Variants in PTPRM observed in about 807,000 individuals in gnomAD.
PTPRM encodes protein tyrosine phosphatase receptor type M.
Under a neutral mutation model 186.7 loss-of-function variants are expected in PTPRM, and 47 were observed. The ratio of observed to expected loss-of-function variants is 0.25; its 90% confidence interval spans 0.20 to 0.32. PTPRM has a LOEUF of 0.32. PTPRM is among the 10% of genes least tolerant of loss of function. The pLI is 1.00. For missense variants in PTPRM, 1,494 were observed against 1,865.0 expected (o/e 0.80, Z 3.66); for synonymous variants, 668 against 674.9 (o/e 0.99, Z 0.16).
In PTPRM at chr18:8,204,376, C is replaced by A. The variant is rs564174335; in HGVS notation, c.2301-39682C>A. On this transcript the variant is annotated intron_variant, in intron 14 of 32. Transcript: ENST00000580170. ...TTTTGAAGTAAAATAGGCTTGTTTTCTTTTTAAATCCCTCTAGTCATTTAG... is the reference window on the plus strand; with the variant it reads ...TTTTGAAGTAAAATAGGCTTGTTTTATTTTTAAATCCCTCTAGTCATTTAG... Among the ~76,000 whole-genome samples, 22 of 152,046 alleles carry A rather than the reference C, an allele frequency of 1.4e-4. No individual in the cohort carries two copies. In the East Asian group the frequency reaches 3.9e-3, roughly 27 times the overall value.
chr18:7,722,474 GA>G (rs1307414916), intron 1 of PTPRM, among the ~76,000 whole-genome samples: 1 of 151,248 alleles, frequency 6.6e-6, no homozygotes, highest in Non-Finnish European at 1.5e-5. Flanking sequence ...TCTAATTGTA[GA>G]AAAAAAGAAA....
At chr18:7,787,251 G>A (rs1347544864) in intron 2 of PTPRM, among the ~76,000 whole-genome samples, 2 of 152,176 alleles carry the variant, frequency 1.3e-5, no homozygotes, top group African/African-American at 2.4e-5. Flanking sequence ...TGCCTGAAAT[G>A]TGTTTGGTGT....
At chr18:7,623,458 G>A (rs1052693446) in intron 1 of PTPRM, among the ~76,000 whole-genome samples, 4 of 152,058 alleles carry the variant, frequency 2.6e-5, no homozygotes, top group African/African-American at 9.7e-5. Flanking sequence ...GTATAATAGT[G>A]AATACAGCTA....
chr18:7,715,675 C>T (rs1018524369), intron 1 of PTPRM, among the ~76,000 whole-genome samples: 1 of 152,186 alleles, frequency 6.6e-6, no homozygotes, highest in African/African-American at 2.4e-5. Context: ...GATACAAAAT[C>T]AATGTGCAAA....
At chr18:7,974,763 C>T (rs1424365404) in intron 7 of PTPRM, among the ~76,000 whole-genome samples, 2 of 152,160 alleles carry the variant, frequency 1.3e-5, no homozygotes, top group African/African-American at 4.8e-5. Context: ...AGAATAGTTC[C>T]CCAGTCATAG....
chr18:7,833,670 G>A (rs192405884), intron 2 of PTPRM, among the ~76,000 whole-genome samples: 119 of 151,030 alleles, frequency 7.9e-4, no homozygotes, highest in Non-Finnish European at 1.3e-3. Context: ...GGAGGTGGAG[G>A]TTACAGTGAG....
chr18:7,658,363 T>TATATATATATATATATATAC (rs1490051251), intron 1 of PTPRM, among the ~76,000 whole-genome samples: 3 of 142,074 alleles, frequency 2.1e-5, no homozygotes, highest in African/African-American at 7.9e-5. Context: ...TATATATACA[T>TATATATATATATATATATAC]ACACACACAC....
chr18:7,676,627 C>CTGTGTGTGTGTGTGTGTGTGTG (rs751900694), intron 1 of PTPRM, among the ~76,000 whole-genome samples: 1 of 141,410 alleles, frequency 7.1e-6, no homozygotes, highest in Non-Finnish European at 1.5e-5. Context: ...GAGATTCTAG[C>CTGTGTGTGTGTGTGTGTGTGTG]TGTGTGTGTG....
intron 15 of PTPRM, among the ~76,000 whole-genome samples, chr18:8,245,909 G>GT (rs1185011434): frequency 6.6e-6 from 1 of 152,314 alleles, no homozygotes; most frequent in African/African-American, 2.4e-5. Context: ...GAAAGTGAAT[G>GT]TATCTGTGGA....
chr18:8,343,328 C>A, intron 22 of PTPRM, 95 bp from the exon 23 acceptor site: 1 of 959,636 alleles, frequency 1.0e-6, no homozygotes, highest in Non-Finnish European at 1.6e-6. Context: ...GAGGGAACTG[C>A]ATGTGGGTAT....
chr18:8,280,176 C>T (rs1170598868), intron 19 of PTPRM, among the ~76,000 whole-genome samples: 1 of 152,088 alleles, frequency 6.6e-6, no homozygotes, highest in Admixed American at 6.6e-5. Flanking sequence ...GGTTGGCGTC[C>T]TCTCCTCACA....
chr18:8,365,946 T>A (rs1598451940), intron 23 of PTPRM: 1 of 152,236 alleles, frequency 6.6e-6, no homozygotes, highest in South Asian at 2.1e-4. Flanking sequence ...TATCAATTAA[T>A]CCAGTGGTTC....
At chr18:8,152,633 CTATT>C (rs2093034167) in intron 14 of PTPRM, among the ~76,000 whole-genome samples, 1 of 150,596 alleles carries the variant, frequency 6.6e-6, no homozygotes. Context: ...CCTTCTTTAC[CTATT>C]TCTCTCTTTA....
At chr18:8,016,544 AAAG>A (rs1450816640) in intron 7 of PTPRM, among the ~76,000 whole-genome samples, 3 of 151,528 alleles carry the variant, frequency 2.0e-5, no homozygotes, top group African/African-American at 7.3e-5. Flanking sequence ...AAAAAAAAAA[AAAG>A]AAAAAAAAGA....
chr18:8,278,984 G>A (rs747149422), intron 19 of PTPRM, among the ~76,000 whole-genome samples: 1 of 151,974 alleles, frequency 6.6e-6, no homozygotes, highest in Non-Finnish European at 1.5e-5. Flanking sequence ...TGTAAATGAC[G>A]GGTTAATGGG....
chr18:7,771,579 C>T (rs2042271064), intron 1 of PTPRM, among the ~76,000 whole-genome samples: 1 of 152,136 alleles, frequency 6.6e-6, no homozygotes, highest in Non-Finnish European at 1.5e-5. Flanking sequence ...TTGTTTTGTT[C>T]TCAATGGAGT....
At chr18:7,652,524 C>G (rs1598301967) in intron 1 of PTPRM, among the ~76,000 whole-genome samples, 1 of 151,822 alleles carries the variant, frequency 6.6e-6, no homozygotes, top group Non-Finnish European at 1.5e-5. Context: ...CAATGATAGA[C>G]TGGATTAAGA....
intron 2 of PTPRM, among the ~76,000 whole-genome samples, chr18:7,868,492 T>C (rs1376499134): frequency 6.6e-6 from 1 of 152,190 alleles, no homozygotes. Flanking sequence ...GGAGGTCCAC[T>C]TTGGACTCTG....
intron 2 of PTPRM, among the ~76,000 whole-genome samples, chr18:7,786,572 G>A (rs571395533): frequency 6.6e-6 from 1 of 152,292 alleles, no homozygotes; most frequent in African/African-American, 2.4e-5. Flanking sequence ...GCTTTTCAAA[G>A]TAAGTATAAA....
Sources: allele counts gnomAD v4.1 joint callset (sites outside exome capture counted in the v4.1 genomes callset), GRCh38; gene constraint gnomAD v4.1.1; transcripts MANE v1.5; gene names NCBI Gene and HGNC (gene_info 2026-07-23, HGNC 2026-07-21).